PCTP: variants seen among roughly 807,000 people sequenced by gnomAD.
The protein encoded by PCTP is phosphatidylcholine transfer protein, also known as START domain-containing protein 2.
In PCTP, 27 loss-of-function variants were observed where a neutral mutation model predicts 31.0. The observed-to-expected ratio is 0.87, with a 90% confidence interval of 0.64 to 1.20. The LOEUF is 1.20. PCTP is among the 50% of genes most tolerant of loss of function. The probability of loss-of-function intolerance (pLI) is 0.00; values close to 1 mark genes in which losing one functional copy is unlikely to be tolerated. For missense variants in PCTP, 287 were observed against 268.2 expected (o/e 1.07, Z -0.49); for synonymous variants, 108 against 101.2 (o/e 1.07, Z -0.40).
chr17:55,840,209 A>C (rs1905929023), intron 5 of PCTP, among the ~76,000 whole-genome samples: 1 of 152,150 alleles, frequency 6.6e-6, no homozygotes, highest in African/African-American at 2.4e-5. Flanking sequence ...ACTGAATGGT[A>C]AATAAAACCA....
At chr17:55,753,082 C>T (rs898781543) in intron 1 of PCTP, among the ~76,000 whole-genome samples, 4 of 152,206 alleles carry the variant, frequency 2.6e-5, no homozygotes, top group African/African-American at 4.8e-5. Flanking sequence ...TCTGCTATTC[C>T]ATTTTTCTTA....
chr17:55,842,380 C>A (rs975011006), intron 5 of PCTP, among the ~76,000 whole-genome samples: 9 of 152,144 alleles, frequency 5.9e-5, no homozygotes, highest in African/African-American at 2.2e-4. Context: ...TTTCCATTGC[C>A]TTATTTTCAC....
At chr17:55,791,633 A>G (rs1911985976) in intron 3 of PCTP, among the ~76,000 whole-genome samples, 1 of 151,148 alleles carries the variant, frequency 6.6e-6, no homozygotes, top group Non-Finnish European at 1.5e-5. Context: ...TTAGAATGGC[A>G]ATCATTAAAA....
chr17:55,778,854 C>T (rs914178787), downstream of PCTP, among the ~76,000 whole-genome samples: 1 of 152,184 alleles, frequency 6.6e-6, no homozygotes, highest in African/African-American at 2.4e-5. Flanking sequence ...ATTATTCACA[C>T]TGCATAACAA....
intron 3 of PCTP, among the ~76,000 whole-genome samples, chr17:55,811,391 A>G (rs1912746540): frequency 6.6e-6 from 1 of 152,228 alleles, no homozygotes; most frequent in Non-Finnish European, 1.5e-5. Flanking sequence ...CCAACTATGC[A>G]GTATTTCCTA....
intron 3 of PCTP, among the ~76,000 whole-genome samples, chr17:55,799,605 A>G (rs568519836): frequency 1.3e-5 from 2 of 152,164 alleles, no homozygotes; most frequent in East Asian, 3.9e-4. Flanking sequence ...TGTGAATTTG[A>G]TCCTGTCATT....
In PCTP at chr17:55,839,906, C is replaced by A. The variant is rs1356129957; in HGVS notation, n.506-2821C>A. On this transcript the variant is annotated intron_variant and non_coding_transcript_variant, in intron 5 of 5. Coordinates refer to the PCTP transcript ENST00000576221. Reference sequence around the variant, plus strand: ...CTGCACTCCAGCCTGGGCGACAGAGCGAGACTCAGTCTCAAAAAAAAAAAA... The same window carrying A: ...CTGCACTCCAGCCTGGGCGACAGAGAGAGACTCAGTCTCAAAAAAAAAAAA... 3.1e-5 allele frequency among the ~76,000 whole-genome samples: 3 copies of A among 97,290 alleles called. No individual in the cohort carries two copies. The Admixed American group carries it at 4.8e-4, about 16-fold the overall frequency. 63.8% of individuals were successfully genotyped at this position (97,290 alleles called of 152,430 possible).
In PCTP at chr17:55,799,384, T is replaced by C. The variant is rs983247048; in HGVS notation, c.317+11730T>C. On this transcript the variant is annotated intron_variant, in intron 3 of 3. Transcript: ENST00000572536. ...TAGGATTGCAGTCCCTGCTTTTTTT[T>C]CTTTTTCTTTCTTTTTTTTTTTTTC... 2.7e-5 allele frequency among the ~76,000 whole-genome samples: 4 copies of C among 148,558 alleles called. No homozygotes were observed. The East Asian group carries it at 7.7e-4, about 29-fold the overall frequency.
intron 3 of PCTP, among the ~76,000 whole-genome samples, chr17:55,816,734 C>T (rs528807050): frequency 3.0e-4 from 46 of 152,316 alleles, no homozygotes; most frequent in Non-Finnish European, 4.7e-4. Context: ...GACTGGAGTT[C>T]TCTTATAAGT....
chr17:55,783,591 G>A (rs371042444), intron 2 of PCTP, among the ~76,000 whole-genome samples: 1 of 152,202 alleles, frequency 6.6e-6, no homozygotes, highest in African/African-American at 2.4e-5. Context: ...CAGCTTATGA[G>A]GGGCTGGATC....
At chr17:55,793,893 A>G (rs1470379871) in intron 3 of PCTP, among the ~76,000 whole-genome samples, 1 of 152,112 alleles carries the variant, frequency 6.6e-6, no homozygotes, top group African/African-American at 2.4e-5. Flanking sequence ...AAGTTATTTT[A>G]CAGCTAGAAA....
At chr17:55,818,419 C>T (rs1406824978) in intron 3 of PCTP, among the ~76,000 whole-genome samples, 2 of 152,082 alleles carry the variant, frequency 1.3e-5, no homozygotes, top group Non-Finnish European at 2.9e-5. Context: ...CTTTTTTGCT[C>T]TAAGCAGATA....
At chr17:55,799,910 T>C (rs1481277670) in intron 3 of PCTP, among the ~76,000 whole-genome samples, 1 of 152,212 alleles carries the variant, frequency 6.6e-6, no homozygotes, top group African/African-American at 2.4e-5. Flanking sequence ...TTCCATTCTC[T>C]TCTGGCTTGT....
At chr17:55,850,360 C>A in the PCTP span, among the ~76,000 whole-genome samples, 2 of 152,088 alleles carry the variant, frequency 1.3e-5, no homozygotes, top group African/African-American at 4.8e-5. Context: ...TATTAAACTG[C>A]TTTTTGTATA....
intron 5 of PCTP, among the ~76,000 whole-genome samples, chr17:55,841,968 TTGAG>T (rs566458264): frequency 5.5e-4 from 84 of 152,336 alleles, no homozygotes; most frequent in African/African-American, 1.7e-3. Context: ...GAGATATAGA[TTGAG>T]TATGTGTGTA....
At chr17:55,846,898 A>G (rs1325015798), downstream of PCTP, among the ~76,000 whole-genome samples, 4 of 152,142 alleles carry the variant, frequency 2.6e-5, no homozygotes, top group Non-Finnish European at 4.4e-5. Flanking sequence ...CCCACTCTTG[A>G]CAAGTCATTT....
chr17:55,800,122 C>A (rs1156815551), intron 3 of PCTP, among the ~76,000 whole-genome samples: 2 of 152,030 alleles, frequency 1.3e-5, no homozygotes, highest in Admixed American at 6.6e-5. Context: ...ATTGGCCTGT[C>A]TTGCTAGACT....
chr17:55,787,870 C>A (rs900885090), intron 3 of PCTP, among the ~76,000 whole-genome samples: 11 of 152,244 alleles, frequency 7.2e-5, no homozygotes, highest in African/African-American at 2.6e-4. Context: ...GACCCCTTAT[C>A]CCCTAAAATT....
At chr17:55,809,935 A>C (rs573878895) in intron 3 of PCTP, among the ~76,000 whole-genome samples, 2 of 152,366 alleles carry the variant, frequency 1.3e-5, no homozygotes, top group African/African-American at 4.8e-5. Context: ...ACAAAACAGC[A>C]GAAAGGACTA....
Sources: gnomAD v4.1 joint callset for allele counts (sites outside exome capture counted in the v4.1 genomes callset) on GRCh38, gnomAD v4.1.1 for gene constraint, MANE v1.5 for transcripts, NCBI Gene and HGNC (gene_info 2026-07-23, HGNC 2026-07-21) for gene names.